The following KLHL1 variants were observed in gnomAD, a reference collection of about 807,000 sequenced individuals.
KLHL1 encodes kelch like family member 1.
A neutral mutation model predicts 77.7 loss-of-function variants in KLHL1; 47 were observed. The ratio of observed to expected loss-of-function variants is 0.60; its 90% confidence interval spans 0.48 to 0.77. The LOEUF (loss-of-function observed/expected upper bound fraction) is 0.77. Ranked by LOEUF, KLHL1 falls within the 30% of genes least tolerant of loss-of-function variation. The probability of loss-of-function intolerance (pLI) is 0.00; values close to 1 mark genes in which losing one functional copy is unlikely to be tolerated. For missense variants in KLHL1, 925 were observed against 910.8 expected (o/e 1.02, Z -0.20); for synonymous variants, 360 against 325.2 (o/e 1.11, Z -1.15).
chr13:69,716,841 T>A (rs1425695937), intron 9 of KLHL1, among the ~76,000 whole-genome samples: 1 of 152,152 alleles, frequency 6.6e-6, no homozygotes, highest in Non-Finnish European at 1.5e-5. Flanking sequence ...ACTAAATAGG[T>A]AAATGAATGA....
intron 4 of KLHL1, among the ~76,000 whole-genome samples, chr13:69,906,629 A>G (rs940600495): frequency 2.0e-5 from 3 of 151,300 alleles, no homozygotes; most frequent in Non-Finnish European, 4.4e-5. Flanking sequence ...TTTATCTTGA[A>G]TAACAATTTC....
intron 6 of KLHL1, among the ~76,000 whole-genome samples, chr13:69,798,724 C>T (rs940153439): frequency 7.2e-5 from 11 of 152,044 alleles, no homozygotes; most frequent in African/African-American, 2.4e-4. Flanking sequence ...TCTGGATTCT[C>T]AAAGCTTGAT....
chr13:69,711,920 A>T (rs1454957422), intron 9 of KLHL1, among the ~76,000 whole-genome samples: 2 of 152,094 alleles, frequency 1.3e-5, no homozygotes, highest in African/African-American at 4.8e-5. Flanking sequence ...TCTGGTGGGT[A>T]GGTGATGGTA....
rs149584845 is a variant in KLHL1, at chr13:69,898,804, A to G, written c.1015-16309T>C. 4.6e-5 allele frequency among the ~76,000 whole-genome samples: 7 copies of G among 152,176 alleles called. No homozygotes were observed. In the East Asian group the frequency reaches 1.4e-3, roughly 29 times the overall value. ...AACTATCCTTGAGACATTTTTTTCT[A>G]TTCAATGCCACATGTAGCTTGTGCA... On this transcript the variant is annotated intron_variant, in intron 4 of 10. Coordinates refer to ENST00000377844, the MANE Select transcript of KLHL1 (RefSeq NM_020866.3).
At chr13:69,985,597 A>G in intron 1 of KLHL1, among the ~76,000 whole-genome samples, 1 of 151,508 alleles carries the variant, frequency 6.6e-6, no homozygotes, top group Non-Finnish European at 1.5e-5. Context: ...TTAAGAAAAA[A>G]CAGACTACCA....
chr13:69,868,198 G>C (rs1410614765), intron 5 of KLHL1, among the ~76,000 whole-genome samples: 1 of 152,008 alleles, frequency 6.6e-6, no homozygotes, highest in Non-Finnish European at 1.5e-5. Context: ...CAGACATATA[G>C]TGAAATATTT....
Position 69,707,796 on chromosome 13 carries a change from T to G in KLHL1, c.2016A>C (p.Arg672Ser). ...HCSRLLDYVE[R>S]YDPKTDTWTM... ...TCCAAGTGTCTGTTTTGGGATCATA[T>G]CTAAAATTCAATGACAATAGTACAT... Residue 672 changes from arginine to serine, a missense_variant and splice_region_variant, in exon 10 of 11, where the codon AGA becomes AGC. Arg to Ser is a moderately radical substitution (Grantham distance 110, BLOSUM62 -1). Coordinates refer to ENST00000377844, the MANE Select transcript of KLHL1 (RefSeq NM_020866.3). The G allele has an allele frequency of 6.2e-7, 1 of 1,611,692 alleles. No individual in the cohort carries two copies. The highest frequency in any genetic ancestry group is 8.5e-7 in the Non-Finnish European group (1 of 1,178,544).
intron 3 of KLHL1, among the ~76,000 whole-genome samples, chr13:69,944,397 G>C (rs368927674): frequency 6.6e-6 from 1 of 152,106 alleles, no homozygotes; most frequent in African/African-American, 2.4e-5. Context: ...TTTGGCCTTC[G>C]CCCCATAGGT....
intron 1 of KLHL1, among the ~76,000 whole-genome samples, chr13:70,010,911 T>A (rs199642956): frequency 2.0e-4 from 29 of 147,628 alleles, no homozygotes; most frequent in Non-Finnish European, 2.7e-4. Context: ...ATAATAATAA[T>A]AATAAAATAA....
At position 69,995,154 on chromosome 13, in the gene KLHL1, A is replaced by G. The variant is rs1328730250; in HGVS notation, c.498-19352T>C. 2.0e-5 allele frequency among the ~76,000 whole-genome samples: 3 copies of G among 152,234 alleles called. No individual in the cohort carries two copies. The East Asian group carries it at 5.8e-4, about 29-fold the overall frequency. On this transcript the variant is annotated intron_variant, in intron 1 of 10. Transcript: ENST00000377844. The stretch of plus-strand genomic sequence containing the variant: ...ATTTTTGGTTTCTTTTGACAACAAC[A>G]AAGTCAAGTAATTATGACAGAGACC...
At chr13:69,901,291 T>C (rs1881847631) in intron 4 of KLHL1, among the ~76,000 whole-genome samples, 1 of 152,212 alleles carries the variant, frequency 6.6e-6, no homozygotes, top group African/African-American at 2.4e-5. Flanking sequence ...AGAATATAAA[T>C]GTAACTAATA....
chr13:69,961,093 T>C (rs1160480228), intron 3 of KLHL1, among the ~76,000 whole-genome samples: 1 of 152,058 alleles, frequency 6.6e-6, no homozygotes, highest in Non-Finnish European at 1.5e-5. Context: ...TTAAGCCAGT[T>C]TAAATCATTT....
intron 1 of KLHL1, among the ~76,000 whole-genome samples, chr13:70,084,755 G>A (rs373413034): frequency 1.5e-4 from 23 of 149,588 alleles, no homozygotes; most frequent in African/African-American, 5.6e-4. Context: ...AATTACAGGC[G>A]TGAGCCACTG....
intron 3 of KLHL1, among the ~76,000 whole-genome samples, chr13:69,944,686 TAG>T (rs1347127181): frequency 2.6e-5 from 4 of 152,274 alleles, no homozygotes; most frequent in African/African-American, 9.6e-5. Context: ...AGAATCCCAG[TAG>T]ACTTTCTGTG....
chr13:70,029,719 C>T (rs1886047663), intron 1 of KLHL1, among the ~76,000 whole-genome samples: 2 of 152,286 alleles, frequency 1.3e-5, no homozygotes, highest in Admixed American at 6.5e-5. Context: ...AACCAGCTAA[C>T]ATCATAATGA....
chr13:70,047,103 C>T (rs1253619312), intron 1 of KLHL1, among the ~76,000 whole-genome samples: 1 of 151,982 alleles, frequency 6.6e-6, no homozygotes, highest in Non-Finnish European at 1.5e-5. Flanking sequence ...AACACAATAG[C>T]ATTAATGTGG....
intron 1 of KLHL1, among the ~76,000 whole-genome samples, chr13:70,005,062 T>C (rs1885375710): frequency 6.6e-6 from 1 of 151,762 alleles, no homozygotes; most frequent in East Asian, 1.9e-4. Context: ...GGTTTTTGTA[T>C]TGCAAAATGA....
intron 5 of KLHL1, among the ~76,000 whole-genome samples, chr13:69,867,903 A>G (rs1880427382): frequency 6.6e-6 from 1 of 151,626 alleles, no homozygotes; most frequent in Admixed American, 6.6e-5. Context: ...CCTAATGTTA[A>G]ATAACGAGTT....
chr13:70,107,292 A>C lies in KLHL1; in HGVS notation c.408T>G (p.Pro136=). ...GAACCAGCCCTTTTTCGTGTGGTCC[A>C]GGAAAGTCCATGCCTGGCACCACCT... is the stretch of plus-strand genomic sequence containing the variant. ...EEEVVPGMDF[P]GPHEKGLVLQ... Residue 136 remains proline, a synonymous_variant, in exon 1 of 11, where the codon CCT becomes CCG. Transcript: ENST00000377844. 4 of 1,614,124 alleles carry C rather than the reference A, an allele frequency of 2.5e-6. No homozygotes were observed. The highest frequency in any genetic ancestry group is 3.4e-6 in the Non-Finnish European group (4 of 1,180,026).
Sources: allele counts gnomAD v4.1 joint callset (sites outside exome capture counted in the v4.1 genomes callset), GRCh38; gene constraint gnomAD v4.1.1; transcripts MANE v1.5; gene names NCBI Gene and HGNC (gene_info 2026-07-23, HGNC 2026-07-21).